Variants in TDRD3 observed in about 807,000 individuals in gnomAD.
TDRD3 encodes tudor domain-containing protein 3.
A neutral mutation model predicts 86.7 loss-of-function variants in TDRD3; 45 were observed. The ratio of observed to expected loss-of-function variants is 0.52; its 90% CI spans 0.41 to 0.67. The LOEUF is 0.67. Ranked by LOEUF, TDRD3 falls within the 30% of genes least tolerant of loss-of-function variation. The pLI is 0.00. For missense variants in TDRD3, 814 were observed against 889.0 expected (o/e 0.92, Z 1.07); for synonymous variants, 298 against 301.7 (o/e 0.99, Z 0.13).
intron 8 of TDRD3, among the ~76,000 whole-genome samples, chr13:60,501,876 T>C (rs754893220): frequency 1.3e-5 from 2 of 152,236 alleles, no homozygotes; most frequent in African/African-American, 4.8e-5. Flanking sequence ...GACTCAGTGA[T>C]AGTAAAATTT....
In TDRD3 at chr13:60,407,950, G is replaced by A. The variant is rs185396025; in HGVS notation, c.41+10545G>A. 4.8e-3 allele frequency among the ~76,000 whole-genome samples: 726 copies of A among 152,302 alleles called. 4 individuals are homozygous for A. Among genetic ancestry groups the A allele is most frequent in the Middle Eastern group, 0.02 (6 of 294 alleles). On this transcript the variant is annotated intron_variant, in intron 1 of 13. Coordinates refer to ENST00000377881, the MANE Select transcript of TDRD3 (RefSeq NM_001146070.2). ...TCTTTCCCATGCTATTCTTGTGATA[G>A]TGAATACGTCTCGTGAGATCTGATG...
chr13:60,516,305 T>A (rs576366577), intron 10 of TDRD3, among the ~76,000 whole-genome samples: 11 of 152,254 alleles, frequency 7.2e-5, no homozygotes, highest in East Asian at 5.8e-4. Flanking sequence ...GTCAGGCTGG[T>A]TGGAAAAAAA....
At chr13:60,431,977 C>T (rs1266275115) in intron 1 of TDRD3, among the ~76,000 whole-genome samples, 1 of 151,760 alleles carries the variant, frequency 6.6e-6, no homozygotes, top group Non-Finnish European at 1.5e-5. Context: ...GATTCAAGTC[C>T]TGGTTTAATT....
At chr13:60,570,666 C>T (rs1958567839) in intron 13 of TDRD3, among the ~76,000 whole-genome samples, 1 of 152,158 alleles carries the variant, frequency 6.6e-6, no homozygotes, top group African/African-American at 2.4e-5. Context: ...TGCTGGAAGG[C>T]AGCCATTGTT....
intron 12 of TDRD3, among the ~76,000 whole-genome samples, chr13:60,565,036 A>G (rs2137979617): frequency 1.5e-5 from 2 of 135,602 alleles, no homozygotes; most frequent in African/African-American, 3.0e-5. Context: ...CCAAACTATC[A>G]GTATCTTTTT....
At chr13:60,439,268 A>T (rs1266639510) in intron 1 of TDRD3, among the ~76,000 whole-genome samples, 1 of 152,168 alleles carries the variant, frequency 6.6e-6, no homozygotes, top group Non-Finnish European at 1.5e-5. Flanking sequence ...GTCCAGAGAG[A>T]AGTTCTGCTG....
intron 12 of TDRD3, among the ~76,000 whole-genome samples, chr13:60,556,115 G>A (rs1958179226): frequency 6.6e-6 from 1 of 152,042 alleles, no homozygotes; most frequent in Non-Finnish European, 1.5e-5. Flanking sequence ...CAAAGTGCTG[G>A]GATTACAGGC....
At chr13:60,506,568 C>T (rs1956941845) in intron 8 of TDRD3, among the ~76,000 whole-genome samples, 1 of 152,088 alleles carries the variant, frequency 6.6e-6, no homozygotes, top group Admixed American at 6.6e-5. Context: ...ACCAGCCTGG[C>T]TAACATGGTG....
chr13:60,539,133 G>A (rs939540009), intron 12 of TDRD3, among the ~76,000 whole-genome samples: 3 of 151,946 alleles, frequency 2.0e-5, no homozygotes, highest in African/African-American at 2.4e-5. Flanking sequence ...AATTGTTATC[G>A]TCTTTTAGGT....
intron 12 of TDRD3, among the ~76,000 whole-genome samples, chr13:60,566,133 A>G (rs1358656997): frequency 6.6e-6 from 1 of 152,198 alleles, no homozygotes; most frequent in African/African-American, 2.4e-5. Flanking sequence ...ATGCAGACTG[A>G]AACTTAAAGA....
chr13:60,506,061 A>G (rs947925198), intron 8 of TDRD3, among the ~76,000 whole-genome samples: 1 of 152,150 alleles, frequency 6.6e-6, no homozygotes, highest in Non-Finnish European at 1.5e-5. Flanking sequence ...GAGAAGAGCA[A>G]CCCCAAGACA....
intron 8 of TDRD3, among the ~76,000 whole-genome samples, chr13:60,505,716 C>G (rs140453643): frequency 2.6e-5 from 4 of 152,006 alleles, no homozygotes; most frequent in Admixed American, 6.6e-5. Context: ...AAACATAGCA[C>G]GAGAACTTTG....
rs75394722 is a variant in TDRD3 at position 60,534,927 on chromosome 13, C to CAA, written c.1993-161_1993-160dup. 2.9e-3 allele frequency among the ~76,000 whole-genome samples: 159 copies of CAA among 54,310 alleles called. 1 individual carries two copies. The highest frequency in any genetic ancestry group is 6.3e-3 in the African/African-American group (94 of 14,862). 35.6% of individuals were successfully genotyped at this position (54,310 alleles called of 152,430 possible). On this transcript the variant is annotated intron_variant, in intron 11 of 13. Coordinates refer to ENST00000377881, the MANE Select transcript of TDRD3 (RefSeq NM_001146070.2). ...TGGGCGACAGAGCAAGACCCTGTCT[C>CAA]AAAAAAAAAAAAAAAAAAAAAGAAT...
At chr13:60,404,920 T>C (rs1344217473) in intron 1 of TDRD3, among the ~76,000 whole-genome samples, 3 of 152,240 alleles carry the variant, frequency 2.0e-5, no homozygotes, top group Admixed American at 6.5e-5. Context: ...GTTCTCGTGA[T>C]AGTGAATGGG....
chr13:60,527,999 A>T (rs909942748), intron 10 of TDRD3, among the ~76,000 whole-genome samples: 4 of 152,206 alleles, frequency 2.6e-5, no homozygotes, highest in Admixed American at 2.6e-4. Context: ...TCAGGGTTGT[A>T]CTTGTGCAGT....
intron 1 of TDRD3, among the ~76,000 whole-genome samples, chr13:60,400,057 CTA>C (rs1182652661): frequency 6.6e-6 from 1 of 152,180 alleles, no homozygotes; most frequent in African/African-American, 2.4e-5. Context: ...AGCACACAAA[CTA>C]TTAGATTTTG....
intron 1 of TDRD3, among the ~76,000 whole-genome samples, chr13:60,404,617 C>T: frequency 6.8e-6 from 1 of 147,466 alleles, no homozygotes; most frequent in African/African-American, 2.5e-5. Context: ...GCCCTGTTTG[C>T]TTTTTGAGAC....
chr13:60,531,860 T>A (rs1287792186), intron 11 of TDRD3, among the ~76,000 whole-genome samples: 1 of 152,132 alleles, frequency 6.6e-6, no homozygotes, highest in Admixed American at 6.5e-5. Context: ...TGAATGACTA[T>A]GAATGATTAT....
chr13:60,456,432 T>C (rs1394051150), intron 3 of TDRD3, among the ~76,000 whole-genome samples: 1 of 152,174 alleles, frequency 6.6e-6, no homozygotes, highest in Non-Finnish European at 1.5e-5. Context: ...ATATTGTTTG[T>C]TAGAGTTAGA....
Sources: gnomAD v4.1 joint callset for allele counts (sites outside exome capture counted in the v4.1 genomes callset) on GRCh38, gnomAD v4.1.1 for gene constraint, MANE v1.5 for transcripts, NCBI Gene and HGNC (gene_info 2026-07-23, HGNC 2026-07-21) for gene names.